PPID: variants seen among roughly 807,000 people sequenced by gnomAD.
The protein encoded by PPID is peptidylprolyl isomerase D.
A neutral mutation model predicts 48.1 loss-of-function variants in PPID; 47 were observed. The observed-to-expected ratio is 0.98, with a 90% confidence interval of 0.77 to 1.25. PPID has a LOEUF of 1.25. Among genes scored for constraint, PPID ranks in the 50% most tolerant of loss-of-function variants. The probability of loss-of-function intolerance (pLI) is 0.00; values close to 1 mark genes in which losing one functional copy is unlikely to be tolerated. For synonymous variants in PPID, 163 were observed against 148.8 expected (o/e 1.10, Z -0.69); for missense variants, 429 against 443.5 (o/e 0.97, Z 0.29).
chr4:158,717,329 C>CT, intron 3 of PPID, 129 bp from the exon 4 acceptor site: 25 of 645,088 alleles, frequency 3.9e-5, no homozygotes, highest in Non-Finnish European at 5.0e-5. Context: ...GATCAAACTA[C>CT]TTTTTTTTAC....
Position 158,717,299 on chromosome 4 carries a change from G to T in PPID, c.334-99C>A. ...TTCTTTTACTGAACATAAAACTGGGGTGCACTATACTACCATTTAGATCAA... is the reference window on the plus strand; with the variant it reads ...TTCTTTTACTGAACATAAAACTGGGTTGCACTATACTACCATTTAGATCAA... On this transcript the variant is annotated intron_variant, in intron 3 of 9. Coordinates refer to ENST00000307720, the MANE Select transcript of PPID (RefSeq NM_005038.3). 3.6e-6 allele frequency: 4 copies of T among 1,111,326 alleles called. No homozygotes were observed. In the South Asian group the frequency reaches 5.3e-5, roughly 15 times the overall value. 68.8% of individuals were successfully genotyped at this position (1,111,326 alleles called of 1,614,324 possible).
At chr4:158,721,183 C>T (rs1373171890) in intron 2 of PPID, among the ~76,000 whole-genome samples, 160 bp downstream of exon 2, 3 of 152,178 alleles carry the variant, frequency 2.0e-5, no homozygotes, top group Middle Eastern at 3.2e-3. Context: ...AATTCCACCT[C>T]GCACAGCCTA....
chr4:158,713,748 A>C (rs1440512835), intron 6 of PPID, among the ~76,000 whole-genome samples: 5 of 152,352 alleles, frequency 3.3e-5, no homozygotes, highest in Non-Finnish European at 5.9e-5. Flanking sequence ...CTGCCATATC[A>C]GATGTGAAAG....
At chr4:158,716,818 G>A (rs766068149) in intron 4 of PPID, among the ~76,000 whole-genome samples, 194 bp downstream of exon 4, 2 of 152,060 alleles carry the variant, frequency 1.3e-5, no homozygotes, top group African/African-American at 4.8e-5. Context: ...AAAATTAGCC[G>A]GGTGTTGTAG....
At chr4:158,717,953 C>T (rs1408991184) in intron 3 of PPID, among the ~76,000 whole-genome samples, 1 of 152,138 alleles carries the variant, frequency 6.6e-6, no homozygotes, top group Non-Finnish European at 1.5e-5. Context: ...GTGCATGCAC[C>T]GTAACTCTCA....
intron 2 of PPID, among the ~76,000 whole-genome samples, chr4:158,720,839 C>CA (rs1774946059): frequency 6.6e-6 from 1 of 152,006 alleles, no homozygotes; most frequent in Non-Finnish European, 1.5e-5. Context: ...CTCAGCCTCC[C>CA]GAGTAGCTGG....
In PPID at chr4:158,709,740, G is replaced by T; in HGVS notation, c.1109C>A (p.Ala370Asp). 6.3e-7 allele frequency: 1 copy of T among 1,599,022 alleles called. No homozygotes were observed. The change falls in exon 10 of 10, where the codon GCT becomes GAT. Residue 370 changes from alanine to aspartate, a missense_variant. Transcript: ENST00000307720. ...KEKAVYAKMF[A>D] Reference sequence around the variant, plus strand: ...ATAAGCAAAACTGAATCCTTTCTAAGCAAACATTTTTGCATATACTGCCTT... The same window carrying T: ...ATAAGCAAAACTGAATCCTTTCTAATCAAACATTTTTGCATATACTGCCTT...
At chr4:158,720,168 T>C (rs1157209809) in intron 2 of PPID, among the ~76,000 whole-genome samples, 1 of 152,190 alleles carries the variant, frequency 6.6e-6, no homozygotes, top group Non-Finnish European at 1.5e-5. Flanking sequence ...AGGCTAGGCA[T>C]AGTAAATCAC....
chr4:158,716,880 G>A, intron 4 of PPID, 132 bp downstream of exon 4: 1 of 883,310 alleles, frequency 1.1e-6, no homozygotes, highest in South Asian at 1.6e-5. Flanking sequence ...AGAATAGCTT[G>A]AACCTGGGAG....
chr4:158,712,965 G>A (rs1774813500), intron 7 of PPID, among the ~76,000 whole-genome samples, 154 bp downstream of exon 7: 1 of 152,230 alleles, frequency 6.6e-6, no homozygotes, highest in African/African-American at 2.4e-5. Flanking sequence ...TGTAGAGAAA[G>A]AACTGAGGGT....
intron 9 of PPID, 196 bp from the exon 10 acceptor site, chr4:158,710,020 C>A: frequency 1.8e-6 from 1 of 563,762 alleles, no homozygotes; most frequent in Non-Finnish European, 3.1e-6. Context: ...ACTGAGAGAA[C>A]TCAAGTACAT....
intron 3 of PPID, among the ~76,000 whole-genome samples, chr4:158,718,544 C>T (rs569331426): frequency 2.0e-5 from 3 of 152,146 alleles, no homozygotes; most frequent in African/African-American, 4.8e-5. Flanking sequence ...TTTTATAAAC[C>T]CTTTGGTGCC....
chr4:158,716,226 AAT>A lies in PPID; in HGVS notation c.523-544_523-543del, dbSNP rs1305209615. Among the ~76,000 whole-genome samples the A allele has an allele frequency of 2.0e-5, 3 of 152,060 alleles. No individual in the cohort carries two copies. The East Asian group carries it at 5.8e-4, about 29-fold the overall frequency. On this transcript the variant is annotated intron_variant, in intron 4 of 9. Transcript: ENST00000307720. ...CAAGCATGAGCTACCATGCCCAGCC[AAT>A]ATTAAGGTCATTTTGATTCACAGAC...
At chr4:158,720,206 G>A (rs1015904109) in intron 2 of PPID, among the ~76,000 whole-genome samples, 1 of 152,198 alleles carries the variant, frequency 6.6e-6, no homozygotes, top group Non-Finnish European at 1.5e-5. Flanking sequence ...TGGTACAAGT[G>A]TCAAGTTCCC....
intron 2 of PPID, among the ~76,000 whole-genome samples, chr4:158,719,989 C>A (rs1774931250): frequency 1.3e-5 from 2 of 152,170 alleles, no homozygotes; most frequent in South Asian, 4.1e-4. Context: ...TGCTACAGAA[C>A]ACACACTTCC....
In PPID at chr4:158,721,435, G is replaced by A. The variant is rs201322183; in HGVS notation, c.134C>T (p.Ala45Val). 30 of 1,614,040 alleles carry A rather than the reference G, an allele frequency of 1.9e-5. No individual in the cohort carries two copies. The highest frequency in any genetic ancestry group is 2.2e-5 in the East Asian group (1 of 44,876). The change falls in exon 2 of 10, where the codon GCG (alanine) becomes GTG (valine). Residue 45 changes from alanine to valine, a missense_variant. Physicochemically the swap from Ala to Val is moderately conservative, Grantham distance 64. Coordinates refer to ENST00000307720, the MANE Select transcript of PPID (RefSeq NM_005038.3). ...ELFADIVPKT[A>V]ENFRALCTGE... The stretch of plus-strand genomic sequence containing the variant: ...TGTACACAGTGCACGAAAATTTTCC[G>A]CAGTTTTGGGTACGATATCTGCAAA...
chr4:158,710,879 T>C (rs1206162025), intron 7 of PPID, 31 bp from the exon 8 acceptor site: 1 of 1,539,312 alleles, frequency 6.5e-7, no homozygotes, highest in Admixed American at 1.7e-5. Flanking sequence ...AGTATTTATA[T>C]CAAAGTATTA....
rs540490102 is a variant in PPID at position 158,723,381 on chromosome 4, G to T, written c.-93C>A. 2 of 1,296,474 alleles carry T rather than the reference G, an allele frequency of 1.5e-6. No individual in the cohort carries two copies. The highest frequency in any genetic ancestry group is 2.2e-6 in the Non-Finnish European group (2 of 917,562). 80.3% of individuals were successfully genotyped at this position (1,296,474 alleles called of 1,614,324 possible). A position where few individuals can be genotyped will look rare whatever the true frequency, so the allele number is the denominator to read the frequency against. On this transcript the variant is annotated 5_prime_UTR_variant, in exon 1 of 10. Coordinates refer to ENST00000307720, the MANE Select transcript of PPID (RefSeq NM_005038.3). ...CCAGAGTCCGTCTCCGCCGGAGACCGGCAGCGACGCTGACCGGCCACTTCC... is the reference window on the plus strand; with the variant it reads ...CCAGAGTCCGTCTCCGCCGGAGACCTGCAGCGACGCTGACCGGCCACTTCC...
chr4:158,710,716 G>A (rs1452691459), intron 8 of PPID, 46 bp from the exon 9 acceptor site: 2 of 1,609,582 alleles, frequency 1.2e-6, no homozygotes, highest in Non-Finnish European at 1.7e-6. Context: ...GATTTATAAA[G>A]GTAGTTGTCT....
Sources: gnomAD v4.1 joint callset for allele counts (sites outside exome capture counted in the v4.1 genomes callset) on GRCh38, gnomAD v4.1.1 for gene constraint, MANE v1.5 for transcripts, NCBI Gene and HGNC (gene_info 2026-07-23, HGNC 2026-07-21) for gene names.